The following CLCN3 variants were observed in gnomAD, a reference collection of about 807,000 sequenced individuals.
CLCN3 encodes the protein H(+)/Cl(-) exchange transporter 3.
A neutral mutation model predicts 83.4 loss-of-function variants in CLCN3; 16 were observed. That is an observed-to-expected ratio of 0.19 (90% CI 0.13 to 0.29). CLCN3 has a LOEUF of 0.29. Ranked by LOEUF, CLCN3 falls within the 10% of genes least tolerant of loss-of-function variation. The probability of loss-of-function intolerance (pLI) is 1.00; values close to 1 mark genes in which losing one functional copy is unlikely to be tolerated. For missense variants in CLCN3, 544 were observed against 1,006.0 expected, an observed-to-expected ratio of 0.54 and a Z score of 6.21; for synonymous variants, 322 against 346.2, an observed-to-expected ratio of 0.93 and a Z score of 0.78.
intron 2 of CLCN3, among the ~76,000 whole-genome samples, chr4:169,665,728 A>C (rs1443807663): frequency 3.3e-5 from 5 of 152,174 alleles, no homozygotes; most frequent in Non-Finnish European, 7.4e-5. Context: ...AAAAAGGTTC[A>C]TATGTTTTAT....
rs1428010734 is a variant in CLCN3, at chr4:169,704,042, C to T, written c.1608C>T (p.Ile536=). 13 of 1,613,920 alleles carry T rather than the reference C, an allele frequency of 8.1e-6. No homozygotes were observed. Among genetic ancestry groups the T allele is most frequent in the African/African-American group, 1.3e-5 (1 of 74,886 alleles). ...TCCCCAGCATGGCCATTGGAGCGAT[C>T]GCAGGAAGGATTGTGGGGATTGCGG... ...LFIPSMAIGA[I]AGRIVGIAVE... The change falls in exon 10 of 13, where the codon ATC becomes ATT. Residue 536 remains isoleucine, a synonymous_variant. Coordinates refer to ENST00000513761, the MANE Select transcript of CLCN3 (RefSeq NM_001829.4).
At chr4:169,662,131 T>C (rs775648184) in intron 2 of CLCN3, among the ~76,000 whole-genome samples, 40 of 152,250 alleles carry the variant, frequency 2.6e-4, no homozygotes, top group African/African-American at 8.9e-4. Context: ...TCAAAACTTA[T>C]GTGAGAGTAG....
At chr4:169,675,901 C>T (rs1214662381) in intron 2 of CLCN3, among the ~76,000 whole-genome samples, 3 of 152,030 alleles carry the variant, frequency 2.0e-5, no homozygotes, top group Admixed American at 6.6e-5. Context: ...TGATTGGATT[C>T]GTTAGAATTT....
At chr4:169,708,073 A>C (rs1038376564) in intron 11 of CLCN3, among the ~76,000 whole-genome samples, 1 of 151,982 alleles carries the variant, frequency 6.6e-6, no homozygotes, top group African/African-American at 2.4e-5. Flanking sequence ...TTGCTTTGTT[A>C]CTCCCCAGGT....
At chr4:169,649,124 A>T (rs533633926) in intron 2 of CLCN3, among the ~76,000 whole-genome samples, 4 of 152,246 alleles carry the variant, frequency 2.6e-5, no homozygotes, top group African/African-American at 9.6e-5. Flanking sequence ...AATACAAGTC[A>T]GGCATGTGAA....
At chr4:169,631,949 C>T (rs1291527170) in intron 1 of CLCN3, among the ~76,000 whole-genome samples, 1 of 152,104 alleles carries the variant, frequency 6.6e-6, no homozygotes, top group African/African-American at 2.4e-5. Flanking sequence ...ACCAGAAAAG[C>T]CCTGGACCAG....
At chr4:169,678,288 T>C (rs1265898901) in intron 2 of CLCN3, among the ~76,000 whole-genome samples, 8 of 152,238 alleles carry the variant, frequency 5.3e-5, no homozygotes, top group Admixed American at 5.2e-4. Context: ...TGCAGGCTAA[T>C]TGTTGACACT....
In CLCN3 at chr4:169,713,257, A is replaced by G. The variant is rs1010713; in HGVS notation, c.2328A>G (p.Arg776=). 0.099 allele frequency: 159,580 copies of G among 1,613,762 alleles called. 11,664 individuals carry two copies. The highest frequency in any genetic ancestry group is 0.39 in the African/African-American group (29,264 of 74,926). Reference sequence around the variant, plus strand: ...TGGAGATCGTGGTGGATATTTTCCGAAAGCTGGGACTGAGGCAGTGCCTTG... The same window carrying G: ...TGGAGATCGTGGTGGATATTTTCCGGAAGCTGGGACTGAGGCAGTGCCTTG... ...TPMEIVVDIF[R]KLGLRQCLVT... Residue 776 remains arginine (R), a synonymous_variant, in exon 12 of 13, where the codon CGA becomes CGG. Coordinates refer to ENST00000513761, the MANE Select transcript of CLCN3 (RefSeq NM_001829.4).
At chr4:169,694,887 A>ACAAATTTC (rs1732507558) in intron 7 of CLCN3, among the ~76,000 whole-genome samples, 1 of 152,154 alleles carries the variant, frequency 6.6e-6, no homozygotes, top group South Asian at 2.1e-4. Context: ...TTACAAATAA[A>ACAAATTTC]ACCCTAGTGA....
chr4:169,672,244 A>AGATAGATAGATAGATAGATAGATG (rs1256267197), intron 2 of CLCN3, among the ~76,000 whole-genome samples: 36 of 151,956 alleles, frequency 2.4e-4, no homozygotes, highest in African/African-American at 8.0e-4. Context: ...ATAGATAGAT[A>AGATAGATAGATAGATAGATAGATG]GATAGATAGA....
chr4:169,637,046 A>T (rs933534001), intron 2 of CLCN3, among the ~76,000 whole-genome samples: 9 of 152,120 alleles, frequency 5.9e-5, no homozygotes, highest in African/African-American at 9.7e-5. Context: ...AACAGTTTTT[A>T]AAAAATTGGC....
At position 169,721,508 on chromosome 4, in the gene CLCN3, C is replaced by G. The variant is rs191813335; in HGVS notation, c.*1511C>G. ...ACTACATTACTTTGGAGAATAAAAC[C>G]GAAAGTTCGTGTATACCTTCTTAAA... is the stretch of plus-strand genomic sequence containing the variant. On this transcript the variant is annotated 3_prime_UTR_variant, in exon 13 of 13. Transcript: ENST00000513761. The G allele has an allele frequency of 6.6e-6, 1 of 151,184 alleles. No individual in the cohort carries two copies. Among genetic ancestry groups the G allele is most frequent in the Admixed American group, 6.6e-5 (1 of 15,224 alleles). The allele number at this position is 151,184 out of a possible 1,614,324, so 9.4% of individuals were successfully genotyped here.
chr4:169,660,070 G>A, intron 2 of CLCN3: 1 of 1,022,824 alleles, frequency 9.8e-7, no homozygotes, highest in South Asian at 4.6e-5. Context: ...CCAGTTTTGT[G>A]TGTTGTACTT....
intron 2 of CLCN3, among the ~76,000 whole-genome samples, chr4:169,658,224 ATATAAT>A (rs149276769): frequency 0.011 from 1,577 of 148,658 alleles, 31 homozygotes; most frequent in African/African-American, 0.037. Context: ...TTCTATACAA[ATATAAT>A]TATATAGATA....
chr4:169,712,021 ATTT>A (rs564857112), intron 11 of CLCN3, among the ~76,000 whole-genome samples: 2 of 114,974 alleles, frequency 1.7e-5, no homozygotes, highest in Non-Finnish European at 1.7e-5. Context: ...TGCTTGGCCG[ATTT>A]TTTTTTTTTT....
At chr4:169,622,044 A>G (rs1007772284) in intron 1 of CLCN3, among the ~76,000 whole-genome samples, 1 of 152,212 alleles carries the variant, frequency 6.6e-6, no homozygotes, top group African/African-American at 2.4e-5. Flanking sequence ...CCTCTGGTTA[A>G]TACAGACAGC....
intron 2 of CLCN3, among the ~76,000 whole-genome samples, chr4:169,673,621 T>TA (rs1012950206): frequency 6.6e-5 from 10 of 152,272 alleles, no homozygotes; most frequent in African/African-American, 2.4e-4. Context: ...TCTTCAGCTC[T>TA]ACCCAGAGAA....
intron 1 of CLCN3, among the ~76,000 whole-genome samples, chr4:169,627,793 C>T (rs1390077552): frequency 6.6e-6 from 1 of 151,926 alleles, no homozygotes; most frequent in Non-Finnish European, 1.5e-5. Context: ...ATAATTAACC[C>T]AACAAGATTT....
At chr4:169,630,774 C>T (rs768169438) in intron 1 of CLCN3, among the ~76,000 whole-genome samples, 1 of 152,146 alleles carries the variant, frequency 6.6e-6, no homozygotes, top group Non-Finnish European at 1.5e-5. Flanking sequence ...GGTGATCCGC[C>T]AGCCTTGGCC....
Sources: allele counts gnomAD v4.1 joint callset (sites outside exome capture counted in the v4.1 genomes callset), GRCh38; gene constraint gnomAD v4.1.1; transcripts MANE v1.5; gene names NCBI Gene and HGNC (gene_info 2026-07-23, HGNC 2026-07-21).